Variants in ABCC1 observed in about 807,000 individuals in gnomAD.
The protein encoded by ABCC1 is multidrug resistance-associated protein 1.
ABCC1 carries 83 observed loss-of-function variants against 172.9 expected under a neutral mutation model. That is an observed-to-expected ratio of 0.48 (90% CI 0.40 to 0.58). The LOEUF (loss-of-function observed/expected upper bound fraction) is 0.58, where lower values mean the gene tolerates loss of function less well. ABCC1 is among the 20% of genes least tolerant of loss of function. The pLI, the probability that ABCC1 is intolerant of heterozygous loss-of-function variation, is 0.00. For missense variants in ABCC1, 1,817 were observed against 2,002.7 expected, an observed-to-expected ratio of 0.91 and a Z score of 1.77; for synonymous variants, 937 against 825.2, an observed-to-expected ratio of 1.14 and a Z score of -2.32.
chr16:16,002,191 C>G (rs1162135738), intron 1 of ABCC1, among the ~76,000 whole-genome samples: 1 of 152,192 alleles, frequency 6.6e-6, no homozygotes, highest in Non-Finnish European at 1.5e-5. Context: ...GGAAACTGTT[C>G]ATGTATACTG....
At chr16:16,020,610 A>G (rs1054334246) in intron 5 of ABCC1, among the ~76,000 whole-genome samples, 1 of 152,156 alleles carries the variant, frequency 6.6e-6, no homozygotes, top group Non-Finnish European at 1.5e-5. Flanking sequence ...TAAGATACCT[A>G]CCATCTGACC....
intron 22 of ABCC1, among the ~76,000 whole-genome samples, chr16:16,114,206 A>C (rs2044743493): frequency 6.6e-6 from 1 of 152,252 alleles, no homozygotes; most frequent in Admixed American, 6.5e-5. Context: ...CAGTTTTCTT[A>C]TCTGTAAGTT....
In ABCC1 at chr16:15,974,829, C is replaced by T. The variant is rs373324907; in HGVS notation, c.48+25030C>T. Among the ~76,000 whole-genome samples the T allele has an allele frequency of 4.6e-5, 7 of 152,320 alleles. No homozygotes were observed. The East Asian group carries it at 5.8e-4, about 13-fold the overall frequency. On this transcript the variant is annotated intron_variant, in intron 1 of 30. Coordinates refer to ENST00000399410, the MANE Select transcript of ABCC1 (RefSeq NM_004996.4). ...TGATACAGAGTCTCACTCTGTCGCC[C>T]AGGCTGGACTGCGGTGGCATGATCT...
intron 19 of ABCC1, among the ~76,000 whole-genome samples, 187 bp downstream of exon 19, chr16:16,090,775 G>C (rs576166872): frequency 1.5e-3 from 235 of 152,290 alleles, no homozygotes; most frequent in Admixed American, 3.7e-3. Context: ...GCGCTGAACT[G>C]GGAGAGAGTC....
chr16:16,053,974 GT>G (rs75995062), intron 11 of ABCC1, among the ~76,000 whole-genome samples: 76 of 143,966 alleles, frequency 5.3e-4, no homozygotes, highest in Admixed American at 7.0e-4. Context: ...ATATATGTGG[GT>G]TTTTTTTTTT....
intron 10 of ABCC1, among the ~76,000 whole-genome samples, 182 bp from the exon 11 acceptor site, chr16:16,052,542 C>G (rs1400696943): frequency 6.6e-6 from 1 of 152,162 alleles, no homozygotes; most frequent in Non-Finnish European, 1.5e-5. Context: ...TTGGGAGGAC[C>G]TGGAGAGATG....
At chr16:15,997,827 TC>T (rs71388785) in intron 1 of ABCC1, among the ~76,000 whole-genome samples, 1,926 of 137,410 alleles carry the variant, frequency 0.014, 143 homozygotes, top group African/African-American at 0.04. Flanking sequence ...TTTTTTTTTT[TC>T]CCTGAGACAG....
intron 1 of ABCC1, among the ~76,000 whole-genome samples, chr16:15,994,896 T>C (rs929491718): frequency 6.6e-6 from 1 of 151,420 alleles, no homozygotes; most frequent in Non-Finnish European, 1.5e-5. Flanking sequence ...CCCTAGTAGC[T>C]GGGATTAGGG....
At chr16:16,054,005 C>T (rs1004858006) in intron 11 of ABCC1, among the ~76,000 whole-genome samples, 2 of 150,434 alleles carry the variant, frequency 1.3e-5, no homozygotes, top group Non-Finnish European at 3.0e-5. Flanking sequence ...GATGGAGTCT[C>T]ACTTTGTTGC....
intron 15 of ABCC1, among the ~76,000 whole-genome samples, chr16:16,077,471 C>A (rs1431966619): frequency 6.6e-6 from 1 of 152,030 alleles, no homozygotes; most frequent in African/African-American, 2.4e-5. Context: ...ACCTTCCCCC[C>A]ATGAGCCCCC....
At chr16:16,048,725 G>A (rs907462647) in intron 10 of ABCC1, among the ~76,000 whole-genome samples, 2 of 152,164 alleles carry the variant, frequency 1.3e-5, no homozygotes, top group Admixed American at 1.3e-4. Context: ...AGAGGCTCAC[G>A]CCTGTAATCC....
At chr16:16,040,390 C>T (rs931086282) in intron 7 of ABCC1, among the ~76,000 whole-genome samples, 11 of 151,736 alleles carry the variant, frequency 7.2e-5, no homozygotes, top group Non-Finnish European at 1.3e-4. Context: ...CGGGTTCAAG[C>T]GATTTTCCTG....
intron 1 of ABCC1, among the ~76,000 whole-genome samples, chr16:15,966,121 A>C (rs2046236790): frequency 1.3e-5 from 2 of 151,980 alleles, no homozygotes; most frequent in Admixed American, 1.3e-4. Flanking sequence ...GGTGCATGTT[A>C]ATGTCAGGCA....
chr16:16,033,671 G>T (rs959606940), intron 6 of ABCC1, among the ~76,000 whole-genome samples: 3 of 151,900 alleles, frequency 2.0e-5, no homozygotes, highest in Admixed American at 6.6e-5. Context: ...TTTTGAGACG[G>T]AGTCTTACTC....
chr16:15,977,687 A>T (rs2046525744), intron 1 of ABCC1, among the ~76,000 whole-genome samples: 1 of 152,004 alleles, frequency 6.6e-6, no homozygotes. Flanking sequence ...GTCTCAAGTG[A>T]TCCTCCCATC....
At position 16,118,397 on chromosome 16, in the gene ABCC1, G is replaced by A. The variant is rs140476813; in HGVS notation, c.3390+3321G>A. On this transcript the variant is annotated intron_variant, in intron 23 of 30. Transcript: ENST00000399410. ...GAGTAGGTCCAGTTCCTGGAGTCTC[G>A]TTATATCCTCTTGAAATTGGTGCCA... is the stretch of plus-strand genomic sequence containing the variant. Among the ~76,000 whole-genome samples the A allele has an allele frequency of 1.1e-4, 15 of 141,988 alleles. No individual in the cohort carries two copies. In the East Asian group the frequency reaches 1.1e-3, roughly 10 times the overall value. The allele number at this position is 141,988 out of a possible 152,430, so 93.1% of individuals were successfully genotyped here. A position where few individuals can be genotyped will look rare whatever the true frequency, so the allele number is the denominator to read the frequency against.
intron 26 of ABCC1, among the ~76,000 whole-genome samples, chr16:16,129,968 C>T (rs890519218): frequency 5.9e-5 from 9 of 152,254 alleles, no homozygotes; most frequent in African/African-American, 2.2e-4. Flanking sequence ...GGTTCAGCAC[C>T]TGTGTGTGCC....
chr16:16,101,273 A>AT (rs754615772), intron 19 of ABCC1, among the ~76,000 whole-genome samples: 5 of 152,102 alleles, frequency 3.3e-5, no homozygotes, highest in South Asian at 2.1e-4. Context: ...GCCTCAAGCG[A>AT]TCTGCCCGCC....
At chr16:15,999,462 G>A (rs2047169794) in intron 1 of ABCC1, among the ~76,000 whole-genome samples, 1 of 151,492 alleles carries the variant, frequency 6.6e-6, no homozygotes, top group South Asian at 2.1e-4. Flanking sequence ...CTAAAAATAC[G>A]AGATTAGCCA....
Sources: gnomAD v4.1 joint callset for allele counts (sites outside exome capture counted in the v4.1 genomes callset) on GRCh38, gnomAD v4.1.1 for gene constraint, MANE v1.5 for transcripts, NCBI Gene and HGNC (gene_info 2026-07-23, HGNC 2026-07-21) for gene names.